Variants in SPTBN5 observed in about 807,000 individuals in gnomAD.
The protein encoded by SPTBN5 is spectrin beta chain, non-erythrocytic 5.
SPTBN5 carries 513 observed loss-of-function variants against 477.6 expected under a neutral mutation model. The observed-to-expected ratio is 1.07, with a 90% confidence interval of 1.00 to 1.16. The LOEUF is 1.16. Among genes scored for constraint, SPTBN5 ranks in the 50% most tolerant of loss-of-function variants. SPTBN5 has a pLI of 0.00. For missense variants in SPTBN5, 5,062 were observed against 4,731.8 expected (o/e 1.07, Z -2.05); for synonymous variants, 2,169 against 2,011.7 (o/e 1.08, Z -2.09).
chr15:41,850,894 C>T lies in SPTBN5; in HGVS notation c.10881G>A (p.Glu3627=). Residue 3627 remains glutamate (E), a synonymous_variant, in exon 66 of 68, where the codon GAG becomes GAA. Coordinates refer to ENST00000320955, the MANE Select transcript of SPTBN5 (RefSeq NM_016642.4). ...AEILFAAPSE[E]QAESWWRALG... ...GGGCTCGCCACCAGCTCTCAGCCTG[C>T]TCTTCGGACGGTGCTGCAAACAGGA... 1.2e-6 allele frequency: 2 copies of T among 1,604,510 alleles called. No individual in the cohort carries two copies. Among genetic ancestry groups the T allele is most frequent in the Non-Finnish European group, 1.7e-6 (2 of 1,176,280 alleles).
At position 41,862,270 on chromosome 15, in the gene SPTBN5, G is replaced by A. The variant is rs1326287278; in HGVS notation, c.7408C>T (p.His2470Tyr). 3 of 1,607,396 alleles carry A rather than the reference G, an allele frequency of 1.9e-6. No individual in the cohort carries two copies. Among genetic ancestry groups the A allele is most frequent in the Non-Finnish European group, 2.5e-6 (3 of 1,176,866 alleles). ...QKRREALDAL[H>Y]QAQKLQAMLQ... ...ATTGCCTGGAGTTTCTGAGCTTGGT[G>A]CAAGGCATCCAGCGCCTCCCTCCTG... Residue 2470 changes from histidine (H) to tyrosine (Y), a missense_variant, in exon 44 of 68, where the codon CAC (histidine) becomes TAC (tyrosine). By Grantham distance (83) the His-to-Tyr change is moderately conservative (BLOSUM62 2). Transcript: ENST00000320955.
intron 53 of SPTBN5, 90 bp from the exon 54 acceptor site, chr15:41,855,835 G>A: frequency 1.5e-6 from 2 of 1,345,090 alleles, no homozygotes; most frequent in Non-Finnish European, 2.0e-6. Context: ...GCTGCACAGG[G>A]GAATCACCTG....
Position 41,852,244 on chromosome 15 carries a change from G to A in SPTBN5, c.10522C>T (p.Gln3508Ter), listed in dbSNP as rs375010539. 7.4e-5 allele frequency: 119 copies of A among 1,611,194 alleles called. No individual in the cohort carries two copies. The highest frequency in any genetic ancestry group is 7.4e-4 in the Admixed American group (44 of 59,830). ...CCCTGGTGTCCAGAGGGCCTCCACT[G>A]AAAGGATGTCAGCGAGCTGCCAGCT... ...GRAGSSLTSF[Q>*]WRPSGHQGLG... is the part of the protein sequence containing the mutation. Residue 3508 changes from glutamine to a stop codon, truncating the protein, a stop_gained, in exon 62 of 68, where the codon CAG (glutamine) becomes TAG (stop). Transcript: ENST00000320955. LOFTEE classifies it high-confidence loss of function.
chr15:41,890,043 G>T (rs562362217), intron 4 of SPTBN5, 46 bp downstream of exon 4: 7 of 1,315,330 alleles, frequency 5.3e-6, no homozygotes, highest in Admixed American at 3.7e-5. Context: ...TGAGGCCAGG[G>T]CTGGGCTGGG....
intron 7 of SPTBN5, among the ~76,000 whole-genome samples, chr15:41,884,671 C>T (rs77516272): frequency 0.032 from 4,901 of 152,248 alleles, 241 homozygotes; most frequent in African/African-American, 0.11. Flanking sequence ...CTCCAGCCCT[C>T]CACTGATTTC....
Position 41,879,423 on chromosome 15 carries a change from G to A in SPTBN5, c.3019C>T (p.Gln1007Ter), listed in dbSNP as rs1289791401. The A allele has an allele frequency of 6.2e-7, 1 of 1,609,518 alleles. No individual in the cohort carries two copies. ...TGGACCTGTGTGGGTCCACACTCCT[G>A]CAGAAAACTGCACACTTCCACACTG... The part of the protein sequence containing the change: ...AHSVEVCSFL[Q>*]ECGPTQVQLR... Residue 1007 changes from glutamine (Q) to a stop codon, truncating the protein, a stop_gained, in exon 16 of 68, where the codon CAG (glutamine) becomes TAG (stop). Transcript: ENST00000320955. LOFTEE classifies it high-confidence loss of function.
chr15:41,848,677 C>A (rs1369664892), intron 67 of SPTBN5, 49 bp from the exon 68 acceptor site: 1 of 1,610,026 alleles, frequency 6.2e-7, no homozygotes, highest in African/African-American at 1.3e-5. Context: ...ACCCCAGAAT[C>A]TTCTCCAAAC....
chr15:41,888,653 G>A (rs1472849132), intron 4 of SPTBN5, among the ~76,000 whole-genome samples: 2 of 152,242 alleles, frequency 1.3e-5, no homozygotes, highest in Non-Finnish European at 2.9e-5. Context: ...TTGGAACGGG[G>A]TTTCACTATG....
At chr15:41,874,772 G>A (rs541180708) in intron 23 of SPTBN5, 70 bp downstream of exon 23, 2 of 1,481,988 alleles carry the variant, frequency 1.3e-6, no homozygotes, top group Admixed American at 2.0e-5. Flanking sequence ...GGTCCTGTGG[G>A]TGCCATCTTG....
Position 41,857,621 on chromosome 15 carries a change from C to T in SPTBN5, c.8316G>A (p.Leu2772=). ...CCACCTTCTTCTGGGAGTTGTCTTG[C>T]AGCTCACCCCAGAGTGCTCCCAGCT... is the stretch of plus-strand genomic sequence containing the variant. ...LEELGALWGE[L]QDNSQKKVAK... is the part of the protein sequence containing the mutation. Residue 2772 remains leucine, a synonymous_variant, in exon 50 of 68, where the codon CTG becomes CTA. Transcript: ENST00000320955. 1 of 1,604,662 alleles carries T rather than the reference C, an allele frequency of 6.2e-7. No individual in the cohort carries two copies. The highest frequency in any genetic ancestry group is 8.5e-7 in the Non-Finnish European group (1 of 1,175,740).
intron 14 of SPTBN5, 134 bp downstream of exon 14, chr15:41,880,026 C>T (rs546975276): frequency 4.2e-5 from 60 of 1,415,370 alleles, no homozygotes; most frequent in South Asian, 1.9e-4. Context: ...AGGAGGCCCT[C>T]GAAATTCAGG....
Position 41,857,254 on chromosome 15 carries a change from G to C in SPTBN5, c.8605C>G (p.Arg2869Gly). ...CLAQDVEEQA[R>G]RLLQRFKSLR... The stretch of plus-strand genomic sequence containing the variant: ...TGGATCTACCTCTGAAGCAGCCGCC[G>C]GGCCTGCTCTTCCACATCTTGGGCA... Residue 2869 changes from arginine (R) to glycine (G), a missense_variant, in exon 51 of 68, where the codon CGG (arginine) becomes GGG (glycine). Transcript: ENST00000320955. 1 of 1,582,934 alleles carries C rather than the reference G, an allele frequency of 6.3e-7. No homozygotes were observed. The highest frequency in any genetic ancestry group is 8.6e-7 in the Non-Finnish European group (1 of 1,163,476).
chr15:41,866,243 G>T lies in SPTBN5; in HGVS notation c.6631-14C>A, dbSNP rs759362965. 1 of 1,583,632 alleles carries T rather than the reference G, an allele frequency of 6.3e-7. No homozygotes were observed. Among genetic ancestry groups the T allele is most frequent in the South Asian group, 1.1e-5 (1 of 88,296 alleles). The stretch of plus-strand genomic sequence containing the variant: ...AGCCTCTCCCTTCTGGAGGGAGAGA[G>T]GGGACACAGGACATCTTGCCTGCTG... On this transcript the variant is annotated splice_polypyrimidine_tract_variant and intron_variant, in intron 37 of 67. Transcript: ENST00000320955.
Position 41,882,121 on chromosome 15 carries a change from C to A in SPTBN5, c.2272G>T (p.Ala758Ser). 6.4e-7 allele frequency: 1 copy of A among 1,572,946 alleles called. No individual in the cohort carries two copies. The highest frequency in any genetic ancestry group is 8.5e-7 in the Non-Finnish European group (1 of 1,170,566). The stretch of plus-strand genomic sequence containing the variant: ...GATCGCCGCTCGCGCAGCCACGAAG[C>A]CGCCTCCGCCGCGTCCGCGAAGTAC... ...LQYFADAAEA[A>S]SWLRERRSSL... is the part of the protein sequence containing the mutation. Residue 758 changes from alanine (A) to serine (S), a missense_variant, in exon 12 of 68, where the codon GCT becomes TCT. By Grantham distance (99) the Ala-to-Ser change is moderately conservative (BLOSUM62 1). Transcript: ENST00000320955.
Position 41,872,218 on chromosome 15 carries a change from T to C in SPTBN5, c.5165+84A>G, listed in dbSNP as rs554132828. 3.7e-5 allele frequency: 56 copies of C among 1,496,006 alleles called. No individual in the cohort carries two copies. In the East Asian group the frequency reaches 7.7e-4, roughly 21 times the overall value. The allele number at this position is 1,496,006 out of a possible 1,614,324, so 92.7% of individuals were successfully genotyped here. On this transcript the variant is annotated intron_variant, in intron 27 of 67. Coordinates refer to ENST00000320955, the MANE Select transcript of SPTBN5 (RefSeq NM_016642.4). ...TACAGCCTGGGGTCATGGGTTCTGA[T>C]TGACTTTGGGCCATGGCATGGGAAC... is the stretch of plus-strand genomic sequence containing the variant.
rs2066972081 is a variant in SPTBN5, at chr15:41,882,001, CGAAG to C, written c.2388_2391del (p.Phe797ArgfsTer23). ...TCCTCCAGCCGCCGCAGCTCGGCCGCGAAGGCGCGCAGGACGCGCTCCAGCCGCA... is the reference window on the plus strand; with the variant it reads ...TCCTCCAGCCGCCGCAGCTCGGCCGCGCGCGCAGGACGCGCTCCAGCCGCA... On this transcript the variant is annotated frameshift_variant, in exon 12 of 68. Transcript: ENST00000320955. LOFTEE classifies it high-confidence loss of function. 6.5e-7 allele frequency: 1 copy of C among 1,536,468 alleles called. No homozygotes were observed. The highest frequency in any genetic ancestry group is 8.7e-7 in the Non-Finnish European group (1 of 1,150,836).
At chr15:41,878,149 C>T (rs1422466516) in intron 17 of SPTBN5, among the ~76,000 whole-genome samples, 193 bp downstream of exon 17, 1 of 152,212 alleles carries the variant, frequency 6.6e-6, no homozygotes, top group Non-Finnish European at 1.5e-5. Flanking sequence ...AGTGTACAGG[C>T]TGCCTGACCC....
At chr15:41,880,023 C>T (rs1458006234) in intron 14 of SPTBN5, 137 bp downstream of exon 14, 59 of 1,414,298 alleles carry the variant, frequency 4.2e-5, no homozygotes, top group Admixed American at 1.1e-4. Flanking sequence ...GCCAGGAGGC[C>T]CTCGAAATTC....
chr15:41,867,510 C>T (rs778689476), intron 35 of SPTBN5, 28 bp downstream of exon 35: 2 of 1,606,094 alleles, frequency 1.2e-6, no homozygotes, highest in African/African-American at 1.3e-5. Context: ...CACACTCTGA[C>T]CACGCCCAGG....
Sources: gnomAD v4.1 joint callset for allele counts (sites outside exome capture counted in the v4.1 genomes callset) on GRCh38, gnomAD v4.1.1 for gene constraint, MANE v1.5 for transcripts, NCBI Gene and HGNC (gene_info 2026-07-23, HGNC 2026-07-21) for gene names.